Variants in PLD1 observed in about 807,000 individuals in gnomAD.
The protein encoded by PLD1 is phospholipase D1.
Under a neutral mutation model 137.1 loss-of-function variants are expected in PLD1, and 112 were observed. The observed-to-expected ratio is 0.82, with a 90% CI of 0.70 to 0.96. The LOEUF (loss-of-function observed/expected upper bound fraction) is 0.96. Among genes scored for constraint, PLD1 ranks in the 40% least tolerant of loss-of-function variants. The pLI, the probability that PLD1 is intolerant of heterozygous loss-of-function variation, is 0.00. For missense variants in PLD1, 1,321 were observed against 1,342.0 expected, an observed-to-expected ratio of 0.98 and a Z score of 0.24; for synonymous variants, 431 against 454.7, an observed-to-expected ratio of 0.95 and a Z score of 0.66.
chr3:171,687,050 G>T (rs1164965792), intron 15 of PLD1, among the ~76,000 whole-genome samples: 2 of 152,194 alleles, frequency 1.3e-5, no homozygotes, highest in African/African-American at 4.8e-5. Context: ...TTTCTTCTAA[G>T]AAAAGTTTAT....
chr3:171,603,976 C>T (rs1732009384), intron 26 of PLD1, among the ~76,000 whole-genome samples: 1 of 152,166 alleles, frequency 6.6e-6, no homozygotes, highest in South Asian at 2.1e-4. Flanking sequence ...TGTAAAATTA[C>T]ATTTTAATGA....
At chr3:171,758,362 G>A (rs557669194) in intron 1 of PLD1, among the ~76,000 whole-genome samples, 1 of 152,224 alleles carries the variant, frequency 6.6e-6, no homozygotes, top group African/African-American at 2.4e-5. Flanking sequence ...CTGGACACTG[G>A]CCAAAGTAAT....
chr3:171,806,432 G>A (rs1723851150), intron 1 of PLD1, among the ~76,000 whole-genome samples: 1 of 152,226 alleles, frequency 6.6e-6, no homozygotes, highest in African/African-American at 2.4e-5. Context: ...AATCAGAAAT[G>A]TCACAGGCTT....
At chr3:171,613,277 T>C (rs1368049981) in intron 24 of PLD1, among the ~76,000 whole-genome samples, 6 of 152,222 alleles carry the variant, frequency 3.9e-5, no homozygotes, top group Non-Finnish European at 7.3e-5. Context: ...TGTGAAATAA[T>C]ATATTTTCCT....
intron 11 of PLD1, among the ~76,000 whole-genome samples, chr3:171,704,391 G>A (rs374785873): frequency 7.0e-6 from 1 of 143,312 alleles, no homozygotes; most frequent in East Asian, 2.0e-4. Flanking sequence ...CAAGACTCAA[G>A]AGTCTTATAA....
At chr3:171,727,875 T>C (rs183325198) in intron 6 of PLD1, among the ~76,000 whole-genome samples, 4 of 152,350 alleles carry the variant, frequency 2.6e-5, no homozygotes, top group Admixed American at 2.6e-4. Flanking sequence ...GTAAGGTTCA[T>C]TTAAATGCTT....
chr3:171,782,342 T>C (rs1260483585), intron 1 of PLD1, among the ~76,000 whole-genome samples: 1 of 152,194 alleles, frequency 6.6e-6, no homozygotes, highest in East Asian at 1.9e-4. Flanking sequence ...AGGTGGTACA[T>C]GCATTTTTCA....
At chr3:171,634,414 T>G (rs1734934931) in intron 23 of PLD1, among the ~76,000 whole-genome samples, 2 of 152,178 alleles carry the variant, frequency 1.3e-5, no homozygotes, top group Non-Finnish European at 2.9e-5. Flanking sequence ...TTCCCGATTT[T>G]ATTTTATCGA....
At chr3:171,638,199 A>AG (rs1477282520) in intron 23 of PLD1, among the ~76,000 whole-genome samples, 2 of 151,914 alleles carry the variant, frequency 1.3e-5, no homozygotes, top group East Asian at 1.9e-4. Flanking sequence ...AAAAAAAAAA[A>AG]AAAAAAAAGA....
At chr3:171,718,793 AG>A (rs1304355624) in intron 8 of PLD1, among the ~76,000 whole-genome samples, 1 of 152,196 alleles carries the variant, frequency 6.6e-6, no homozygotes, top group Admixed American at 6.5e-5. Flanking sequence ...ATATAACATG[AG>A]GACCTAACAG....
rs767190274 is a variant in PLD1, at chr3:171,688,889, T to G, written c.1339-13A>C. 6.3e-7 allele frequency: 1 copy of G among 1,592,400 alleles called. No individual in the cohort carries two copies. The highest frequency in any genetic ancestry group is 1.3e-5 in the African/African-American group (1 of 74,490). ...GGTGTCTCATCACCTTGAGAGGGAA[T>G]AATCCCCACTGATAATATGCTTTTG... On this transcript the variant is annotated splice_polypyrimidine_tract_variant and intron_variant, in intron 13 of 26. Transcript: ENST00000351298.
intron 1 of PLD1, among the ~76,000 whole-genome samples, chr3:171,760,891 T>C (rs1316799633): frequency 6.6e-6 from 1 of 152,210 alleles, no homozygotes; most frequent in Non-Finnish European, 1.5e-5. Flanking sequence ...GCTGGTGGCA[T>C]TGTTAATGGA....
chr3:171,799,337 TAAAAAAAAA>T (rs758379833), intron 1 of PLD1, among the ~76,000 whole-genome samples: 3 of 57,886 alleles, frequency 5.2e-5, no homozygotes, highest in Non-Finnish European at 6.1e-5. Flanking sequence ...AGACTCCGTC[TAAAAAAAAA>T]AAAAAAAAAA....
At chr3:171,735,676 CAACAAAAATTCCAAAAGCTTTCAGTG>C (rs760909157) in intron 3 of PLD1, 39 bp from the exon 4 acceptor site, 47 of 1,246,270 alleles carry the variant, frequency 3.8e-5, no homozygotes, top group Non-Finnish European at 5.5e-5. Flanking sequence ...TTTTAGATAA[CAACAAAAATTCCAAAAGCTTTCAGTG>C]AACAATATTT....
intron 11 of PLD1, 24 bp downstream of exon 11, chr3:171,708,731 A>T (rs1716897759): frequency 7.4e-7 from 1 of 1,352,714 alleles, no homozygotes; most frequent in African/African-American, 1.4e-5. Context: ...TTCCAGAAAA[A>T]AATTCCCAGG....
chr3:171,685,981 C>T (rs993673380), intron 16 of PLD1, among the ~76,000 whole-genome samples: 26 of 151,972 alleles, frequency 1.7e-4, no homozygotes, highest in African/African-American at 6.0e-4. Flanking sequence ...TAGCCAGGCA[C>T]GGTCATGCAC....
chr3:171,605,502 A>T, intron 25 of PLD1, 86 bp from the exon 26 acceptor site: 1 of 765,582 alleles, frequency 1.3e-6, no homozygotes, highest in Non-Finnish European at 2.3e-6. Flanking sequence ...ATCTCTATAT[A>T]TGCAAATATA....
intron 1 of PLD1, among the ~76,000 whole-genome samples, chr3:171,786,566 G>C (rs4894510): frequency 7.2e-5 from 11 of 152,096 alleles, no homozygotes; most frequent in Non-Finnish European, 1.5e-4. Flanking sequence ...AGAATTAGGA[G>C]CACTAGAATA....
rs140609854 is a variant in PLD1, at chr3:171,726,658, G to T, written c.607-582C>A. ...CTTTGAACATCAGGCATAATGAAAA[G>T]AATTATTTTTAATGAGTTGAAGAGG... On this transcript the variant is annotated intron_variant, in intron 6 of 26. Transcript: ENST00000351298. 4.7e-3 allele frequency among the ~76,000 whole-genome samples: 714 copies of T among 152,286 alleles called. 5 individuals are homozygous for T. Among genetic ancestry groups the T allele is most frequent in the African/African-American group, 0.016 (675 of 41,556 alleles).
Sources: gnomAD v4.1 joint callset for allele counts (sites outside exome capture counted in the v4.1 genomes callset) on GRCh38, gnomAD v4.1.1 for gene constraint, MANE v1.5 for transcripts, NCBI Gene and HGNC (gene_info 2026-07-23, HGNC 2026-07-21) for gene names.